Variants in HKDC1 observed in about 807,000 individuals in gnomAD.
HKDC1 encodes the protein hexokinase HKDC1.
In HKDC1, 66 loss-of-function variants were observed where a neutral mutation model predicts 96.6. The ratio of observed to expected loss-of-function variants is 0.68; its 90% confidence interval spans 0.56 to 0.84. The LOEUF is 0.84. HKDC1 is among the 40% of genes least tolerant of loss of function. HKDC1 has a pLI of 0.00. For missense variants in HKDC1, 1,211 were observed against 1,208.1 expected, an observed-to-expected ratio of 1.00 and a Z score of -0.04; for synonymous variants, 466 against 473.1, an observed-to-expected ratio of 0.98 and a Z score of 0.20.
rs373196996 is a variant in HKDC1, at chr10:69,249,403, A to T, written c.1570+675A>T. On this transcript the variant is annotated intron_variant, in intron 10 of 17. Coordinates refer to ENST00000354624, the MANE Select transcript of HKDC1 (RefSeq NM_025130.4). ...TCCCATTTTATGGATGCCATACCTG[A>T]GACTTACAGAGGCTAGATGACCTAC... 4.9e-3 allele frequency among the ~76,000 whole-genome samples: 744 copies of T among 152,360 alleles called. 11 individuals are homozygous for T. Among genetic ancestry groups the T allele is most frequent in the Middle Eastern group, 0.02 (6 of 294 alleles).
intron 17 of HKDC1, among the ~76,000 whole-genome samples, chr10:69,266,085 A>T (rs926548966): frequency 2.0e-5 from 3 of 152,180 alleles, no homozygotes; most frequent in African/African-American, 7.2e-5. Context: ...AGCACTAATA[A>T]TCCCTACCAC....
chr10:69,237,277 TTG>T (rs71035080), intron 4 of HKDC1, among the ~76,000 whole-genome samples: 1,806 of 145,630 alleles, frequency 0.012, 25 homozygotes, highest in Middle Eastern at 0.049. Context: ...AGAAATTTCT[TTG>T]TGTGTGTGTG....
chr10:69,224,620 T>C (rs2132329103), intron 1 of HKDC1, among the ~76,000 whole-genome samples: 2 of 152,320 alleles, frequency 1.3e-5, no homozygotes, highest in South Asian at 4.1e-4. Context: ...TCAGGATTAT[T>C]TCCTGAGAAT....
At position 69,266,619 on chromosome 10, in the gene HKDC1, A is replaced by G. The variant is rs1397660895; in HGVS notation, c.2616A>G (p.Arg872=). The G allele has an allele frequency of 1.2e-6, 2 of 1,613,948 alleles. No individual in the cohort carries two copies. The highest frequency in any genetic ancestry group is 1.7e-6 in the Non-Finnish European group (2 of 1,179,936). ...TTTCTCTTTTTCATAGCTTTTCTAG[A>G]ATATTGCAGGAAACTGTGAAGGAAC... ...TLYKLHPHFS[R]ILQETVKELA... is the part of the protein sequence containing the mutation. Residue 872 remains arginine, a synonymous_variant, in exon 18 of 18, where the codon AGA becomes AGG. Coordinates refer to ENST00000354624, the MANE Select transcript of HKDC1 (RefSeq NM_025130.4).
chr10:69,240,692 T>C lies in HKDC1; in HGVS notation c.632T>C (p.Val211Ala). ...VDILALVNDT[V>A]GTMMTCAYDD... is the part of the protein sequence containing the mutation. ...ATCCTGGCCCTGGTCAATGACACCG[T>C]GGGGACCATGATGACCTGTGCCTAT... Residue 211 changes from valine to alanine, a missense_variant, in exon 6 of 18, where the codon GTG becomes GCG. By Grantham distance (64) the Val-to-Ala change is moderately conservative (BLOSUM62 0). Transcript: ENST00000354624. 1 of 1,614,070 alleles carries C rather than the reference T, an allele frequency of 6.2e-7. No individual in the cohort carries two copies. The highest frequency in any genetic ancestry group is 1.1e-5 in the South Asian group (1 of 91,076).
At chr10:69,251,039 A>C (rs1026613110) in intron 12 of HKDC1, among the ~76,000 whole-genome samples, 7 of 148,250 alleles carry the variant, frequency 4.7e-5, no homozygotes, top group Non-Finnish European at 1.0e-4. Context: ...ATGGGTTTTT[A>C]TCGTCTGATG....
At chr10:69,258,693 A>T in intron 14 of HKDC1, 83 bp from the exon 15 acceptor site, 1 of 1,401,558 alleles carries the variant, frequency 7.1e-7, no homozygotes, top group Non-Finnish European at 1.0e-6. Context: ...TCCAAGCTTA[A>T]ATTCTTATTT....
intron 12 of HKDC1, among the ~76,000 whole-genome samples, chr10:69,255,521 T>C (rs1337587228): frequency 6.6e-6 from 1 of 152,218 alleles, no homozygotes; most frequent in African/African-American, 2.4e-5. Context: ...TAGCTCTGCC[T>C]GCCTTCACCC....
chr10:69,249,149 C>CA (rs767030730), intron 10 of HKDC1, among the ~76,000 whole-genome samples: 65 of 152,286 alleles, frequency 4.3e-4, no homozygotes, highest in Non-Finnish European at 7.1e-4. Context: ...GCTTCTGCCC[C>CA]CAACTTCTCC....
chr10:69,265,389 T>C (rs1170978220), intron 16 of HKDC1, 196 bp from the exon 17 acceptor site: 3 of 596,628 alleles, frequency 5.0e-6, no homozygotes, highest in African/African-American at 3.7e-5. Flanking sequence ...TTTTTTAAAG[T>C]TGATGGAACT....
Position 69,227,330 on chromosome 10 carries a change from A to T in HKDC1, c.187A>T (p.Met63Leu), listed in dbSNP as rs1444849836. Residue 63 changes from methionine (M) to leucine (L), a missense_variant, in exon 2 of 18, where the codon ATG (methionine) becomes TTG (leucine). Transcript: ENST00000354624. ...CACCAACCCCACGGCTGCAGTGAAG[A>T]TGTTGCCCACCTTCGTCAGGGCCAT... The part of the protein sequence containing the change: ...KDTNPTAAVK[M>L]LPTFVRAIPD... 6.2e-7 allele frequency: 1 copy of T among 1,614,032 alleles called. No homozygotes were observed. The highest frequency in any genetic ancestry group is 8.5e-7 in the Non-Finnish European group (1 of 1,180,036).
chr10:69,240,202 TCAGGAGGCTGAGG>T (rs1843432992), intron 5 of HKDC1, among the ~76,000 whole-genome samples: 1 of 152,124 alleles, frequency 6.6e-6, no homozygotes, highest in Non-Finnish European at 1.5e-5. Flanking sequence ...TCTCAGCTAC[TCAGGAGGCTGAGG>T]CAGGAGGATC....
chr10:69,228,889 G>C (rs941906138), intron 2 of HKDC1, among the ~76,000 whole-genome samples: 1 of 125,898 alleles, frequency 7.9e-6, no homozygotes, highest in Non-Finnish European at 1.6e-5. Flanking sequence ...AAAGGAAGAA[G>C]AAAGAAAGAA....
chr10:69,266,860 C>T lies in HKDC1; in HGVS notation c.*103C>T. 1.6e-6 allele frequency: 2 copies of T among 1,217,298 alleles called. No homozygotes were observed. The highest frequency in any genetic ancestry group is 2.3e-6 in the Non-Finnish European group (2 of 872,900). 75.4% of individuals were successfully genotyped at this position (1,217,298 alleles called of 1,614,324 possible). On this transcript the variant is annotated 3_prime_UTR_variant, in exon 18 of 18. Transcript: ENST00000354624. ...ATGGGCACCCTCCTGGCTGACCTCA[C>T]CTTCTGGATGGCCGAAAGAGAACCC... is the stretch of plus-strand genomic sequence containing the variant.
In HKDC1 at chr10:69,228,118, C is replaced by T. The variant is rs146247273; in HGVS notation, c.226+749C>T. Among the ~76,000 whole-genome samples the T allele has an allele frequency of 2.8e-3, 422 of 152,222 alleles. 3 individuals carry two copies. Among genetic ancestry groups the T allele is most frequent in the African/African-American group, 9.5e-3 (393 of 41,550 alleles). ...TCTCACTGGGCCAAAATTCAGGTGTCGGCAGGGCTGCGTTCCTTCTGGAAG... is the reference window on the plus strand; with the variant it reads ...TCTCACTGGGCCAAAATTCAGGTGTTGGCAGGGCTGCGTTCCTTCTGGAAG... On this transcript the variant is annotated intron_variant, in intron 2 of 17. Coordinates refer to ENST00000354624, the MANE Select transcript of HKDC1 (RefSeq NM_025130.4).
At chr10:69,222,744 T>C (rs531303685) in intron 1 of HKDC1, 1 of 152,304 alleles carries the variant, frequency 6.6e-6, no homozygotes, top group South Asian at 2.1e-4. Context: ...GCGAGAAAGT[T>C]GGAAGCACTT....
intron 6 of HKDC1, among the ~76,000 whole-genome samples, chr10:69,242,897 C>T (rs752221218): frequency 7.2e-5 from 11 of 152,186 alleles, no homozygotes; most frequent in Non-Finnish European, 1.3e-4. Context: ...CTTGTAAGAG[C>T]GCTTCGTCAG....
At chr10:69,266,463 T>TAAAAAAAA in intron 17 of HKDC1, 147 bp from the exon 18 acceptor site, 3 of 547,618 alleles carry the variant, frequency 5.5e-6, no homozygotes, top group Non-Finnish European at 5.8e-6. Context: ...AGACCATGTC[T>TAAAAAAAA]AAAAAAAAAA....
At chr10:69,226,466 G>A (rs1209727456) in intron 1 of HKDC1, among the ~76,000 whole-genome samples, 1 of 151,990 alleles carries the variant, frequency 6.6e-6, no homozygotes, top group African/African-American at 2.4e-5. Flanking sequence ...GGCCAACATG[G>A]CGAAACCCCA....
Sources: gnomAD v4.1 joint callset for allele counts (sites outside exome capture counted in the v4.1 genomes callset) on GRCh38, gnomAD v4.1.1 for gene constraint, MANE v1.5 for transcripts, NCBI Gene and HGNC (gene_info 2026-07-23, HGNC 2026-07-21) for gene names.